Variants in MYOM2 observed in about 807,000 individuals in gnomAD.
MYOM2 encodes the protein myomesin 2, also known as myomesin-2.
In MYOM2, 254 loss-of-function variants were observed where a neutral mutation model predicts 187.6. That is an observed-to-expected ratio of 1.35 (90% CI 1.22 to 1.50). The LOEUF is 1.50. MYOM2 is among the 40% of genes most tolerant of loss of function. The probability of loss-of-function intolerance (pLI) is 0.00; values close to 1 mark genes in which losing one functional copy is unlikely to be tolerated. For missense variants in MYOM2, 2,796 were observed against 1,924.0 expected, an observed-to-expected ratio of 1.45 and a Z score of -8.48; for synonymous variants, 981 against 753.8, an observed-to-expected ratio of 1.30 and a Z score of -4.94.
chr8:2,069,700 T>G (rs1173813393), intron 8 of MYOM2, among the ~76,000 whole-genome samples: 1 of 152,064 alleles, frequency 6.6e-6, no homozygotes, highest in Non-Finnish European at 1.5e-5. Context: ...GGTCAAATCT[T>G]TTTTACAAAA....
intron 14 of MYOM2, among the ~76,000 whole-genome samples, chr8:2,088,901 T>G (rs943398332): frequency 6.6e-6 from 1 of 152,236 alleles, no homozygotes; most frequent in African/African-American, 2.4e-5. Context: ...CTTCCCTTTG[T>G]GGACCCATAT....
chr8:2,141,178 G>A lies in MYOM2; in HGVS notation c.4001+1G>A. On this transcript the variant is annotated splice_donor_variant, in intron 34 of 36. Transcript: ENST00000262113. LOFTEE classifies it high-confidence loss of function. Reference sequence around the variant, plus strand: ...CATTTGCAGAATTCCAGCAATTCAAGTAAGATTTGTGTATTTAGTTACTAT... The same window carrying A: ...CATTTGCAGAATTCCAGCAATTCAAATAAGATTTGTGTATTTAGTTACTAT... 1 of 1,612,096 alleles carries A rather than the reference G, an allele frequency of 6.2e-7. No homozygotes were observed. Among genetic ancestry groups the A allele is most frequent in the Non-Finnish European group, 8.5e-7 (1 of 1,178,582 alleles).
At chr8:2,095,739 A>C (rs896027637) in intron 17 of MYOM2, among the ~76,000 whole-genome samples, 8 of 152,204 alleles carry the variant, frequency 5.3e-5, no homozygotes, top group African/African-American at 1.9e-4. Flanking sequence ...GGTCCGTTTC[A>C]AATGCCCTGC....
At chr8:2,093,089 C>T (rs547138033) in intron 16 of MYOM2, among the ~76,000 whole-genome samples, 27 of 152,190 alleles carry the variant, frequency 1.8e-4, no homozygotes, top group African/African-American at 3.9e-4. Flanking sequence ...GGCTTCTCTG[C>T]GATACGCGTC....
At chr8:2,094,486 T>C (rs1332669898) in intron 17 of MYOM2, among the ~76,000 whole-genome samples, 3 of 152,108 alleles carry the variant, frequency 2.0e-5, no homozygotes, top group Non-Finnish European at 4.4e-5. Context: ...ACCCCGTCTC[T>C]ACTGAAAATA....
At chr8:2,132,691 A>G (rs1164425035) in intron 32 of MYOM2, among the ~76,000 whole-genome samples, 2 of 152,156 alleles carry the variant, frequency 1.3e-5, no homozygotes, top group Non-Finnish European at 2.9e-5. Flanking sequence ...GGATCAAGGA[A>G]TCCTCTTGCC....
intron 31 of MYOM2, among the ~76,000 whole-genome samples, chr8:2,125,766 C>T (rs900771265): frequency 4.0e-5 from 6 of 151,832 alleles, no homozygotes; most frequent in Admixed American, 2.6e-4. Flanking sequence ...CATCACCACA[C>T]CCAGCTAATT....
chr8:2,131,358 A>C (rs1797859742), intron 32 of MYOM2, among the ~76,000 whole-genome samples: 1 of 152,024 alleles, frequency 6.6e-6, no homozygotes, highest in African/African-American at 2.4e-5. Flanking sequence ...CGCCCCTACT[A>C]AGTGAAAGAG....
At position 2,124,181 on chromosome 8, in the gene MYOM2, T is replaced by C. The variant is rs1563072154; in HGVS notation, c.3658T>C (p.Tyr1220His). The change falls in exon 31 of 37, where the codon TAT (tyrosine) becomes CAT (histidine). Residue 1220 changes from tyrosine (Y) to histidine (H), a missense_variant and splice_region_variant. Transcript: ENST00000262113. The part of the protein sequence containing the change: ...VSILEIAGKV[Y>H]DDMILAMSRV... ...TGCGTATCCCTTCTCATTTTCAGTG[T>C]ATGATGATATGATTTTGGCAATGAG... 6.2e-7 allele frequency: 1 copy of C among 1,612,516 alleles called. No individual in the cohort carries two copies. The highest frequency in any genetic ancestry group is 8.5e-7 in the Non-Finnish European group (1 of 1,179,066).
At chr8:2,070,717 G>A (rs1159941320) in intron 8 of MYOM2, among the ~76,000 whole-genome samples, 2 of 152,220 alleles carry the variant, frequency 1.3e-5, no homozygotes, top group Non-Finnish European at 2.9e-5. Context: ...CACCACCCGT[G>A]TTTGACAGAG....
chr8:2,142,278 C>A, intron 34 of MYOM2, 97 bp from the exon 35 acceptor site: 1 of 1,204,808 alleles, frequency 8.3e-7, no homozygotes, highest in Non-Finnish European at 1.2e-6. Flanking sequence ...TCTTCTTTTG[C>A]TTCATCGCTA....
At position 2,085,370 on chromosome 8, in the gene MYOM2, C is replaced by G; in HGVS notation, c.1624C>G (p.Leu542Val). Residue 542 changes from leucine (L) to valine (V), a missense_variant, in exon 14 of 37, where the codon CTC becomes GTC. Physicochemically the swap from Leu to Val is conservative, Grantham distance 32. Transcript: ENST00000262113. ...EPPTPRGKDP[L>V]MYFIEKSVVG... The stretch of plus-strand genomic sequence containing the variant: ...ACCCACTCCCCGTGGCAAGGACCCG[C>G]TCATGTACTTCATTGAGAAGGTAAA... 6.2e-7 allele frequency: 1 copy of G among 1,612,878 alleles called. No individual in the cohort carries two copies. The highest frequency in any genetic ancestry group is 8.5e-7 in the Non-Finnish European group (1 of 1,179,670).
intron 13 of MYOM2, among the ~76,000 whole-genome samples, chr8:2,080,704 C>T (rs1032665585): frequency 1.3e-5 from 2 of 152,192 alleles, no homozygotes; most frequent in South Asian, 2.1e-4. Context: ...CCCCATTTTT[C>T]GGATGATTAA....
At chr8:2,069,137 G>A in intron 6 of MYOM2, 141 bp from the exon 7 acceptor site, 1 of 729,630 alleles carries the variant, frequency 1.4e-6, no homozygotes, top group Non-Finnish European at 2.2e-6. Flanking sequence ...GGACAGAGCT[G>A]GCATTGTTCT....
At chr8:2,129,012 A>C (rs941357084) in intron 31 of MYOM2, 115 bp from the exon 32 acceptor site, 1 of 651,810 alleles carries the variant, frequency 1.5e-6, no homozygotes, top group Non-Finnish European at 2.7e-6. Flanking sequence ...TATGAGAGAC[A>C]CAAGTGAGAA....
chr8:2,099,822 T>G (rs1796620520), intron 19 of MYOM2, among the ~76,000 whole-genome samples: 1 of 152,230 alleles, frequency 6.6e-6, no homozygotes, highest in African/African-American at 2.4e-5. Context: ...GCTCATACTT[T>G]GAGAAAGTAA....
intron 3 of MYOM2, among the ~76,000 whole-genome samples, chr8:2,056,110 C>G (rs3779863): frequency 0.3 from 46,041 of 152,130 alleles, 8,659 homozygotes; most frequent in East Asian, 0.66. Context: ...GTAGCCAATC[C>G]TTTCTCCTGG....
intron 11 of MYOM2, among the ~76,000 whole-genome samples, chr8:2,077,283 C>T (rs1425763768): frequency 6.6e-6 from 1 of 151,806 alleles, no homozygotes; most frequent in African/African-American, 2.4e-5. Flanking sequence ...GGACTCCAGC[C>T]TGGCAACACA....
At position 2,065,586 on chromosome 8, in the gene MYOM2, G is replaced by A. The variant is rs147513040; in HGVS notation, c.654-3692G>A. Reference sequence around the variant, plus strand: ...CTCCATCTCAACAAAAAAGAGCCTCGGCAACTATTTTTGCCCTGGATTTTC... The same window carrying A: ...CTCCATCTCAACAAAAAAGAGCCTCAGCAACTATTTTTGCCCTGGATTTTC... On this transcript the variant is annotated intron_variant, in intron 6 of 36. Coordinates refer to ENST00000262113, the MANE Select transcript of MYOM2 (RefSeq NM_003970.4). 3.5e-3 allele frequency among the ~76,000 whole-genome samples: 526 copies of A among 152,048 alleles called. 3 individuals carry two copies. Among genetic ancestry groups the A allele is most frequent in the African/African-American group, 0.012 (498 of 41,462 alleles).
Sources: gnomAD v4.1 joint callset for allele counts (sites outside exome capture counted in the v4.1 genomes callset) on GRCh38, gnomAD v4.1.1 for gene constraint, MANE v1.5 for transcripts, NCBI Gene and HGNC (gene_info 2026-07-23, HGNC 2026-07-21) for gene names.